TPRG1: variants seen among roughly 807,000 people sequenced by gnomAD.
TPRG1 encodes the protein tumor protein p63-regulated gene 1 protein.
Under a neutral mutation model 29.3 loss-of-function variants are expected in TPRG1, and 29 were observed. The observed-to-expected ratio is 0.99, with a 90% CI of 0.74 to 1.35. TPRG1 has a LOEUF of 1.35. TPRG1 is among the 40% of genes most tolerant of loss of function. TPRG1 has a pLI of 0.00. For missense variants in TPRG1, 327 were observed against 335.0 expected (o/e 0.98, Z 0.19); for synonymous variants, 130 against 116.8 (o/e 1.11, Z -0.73).
chr3:189,081,365 G>A (rs550237986), intron 4 of TPRG1, among the ~76,000 whole-genome samples: 4 of 152,272 alleles, frequency 2.6e-5, no homozygotes, highest in South Asian at 2.1e-4. Flanking sequence ...GAAAGGGACC[G>A]AGGAGCAGTC....
intron 2 of TPRG1, among the ~76,000 whole-genome samples, chr3:189,131,662 G>A (rs1337402484): frequency 1.3e-5 from 2 of 152,172 alleles, no homozygotes; most frequent in Non-Finnish European, 2.9e-5. Flanking sequence ...AGGCAGATCT[G>A]GGACCTCTGA....
chr3:189,176,416 C>T (rs1729496939), intron 1 of TPRG1, among the ~76,000 whole-genome samples: 1 of 152,028 alleles, frequency 6.6e-6, no homozygotes, highest in African/African-American at 2.4e-5. Context: ...TGTGTCTTTT[C>T]TACAACCCCA....
chr3:189,297,951 T>C (rs73889184), intron 4 of TPRG1, among the ~76,000 whole-genome samples: 8,958 of 152,180 alleles, frequency 0.059, 610 homozygotes, highest in African/African-American at 0.16. Context: ...ATCCCAGGTC[T>C]CCGTCTGAAC....
At chr3:189,078,521 T>A (rs529518519) in intron 4 of TPRG1, among the ~76,000 whole-genome samples, 2 of 152,338 alleles carry the variant, frequency 1.3e-5, no homozygotes, top group East Asian at 3.9e-4. Context: ...TTCTACTGAA[T>A]GAGCGAAGGA....
intron 1 of TPRG1, among the ~76,000 whole-genome samples, chr3:189,109,347 G>A (rs551924940): frequency 1.6e-4 from 24 of 152,328 alleles, no homozygotes; most frequent in African/African-American, 5.3e-4. Flanking sequence ...TAAGAGTGAC[G>A]TGGAAACAAT....
intron 1 of TPRG1, among the ~76,000 whole-genome samples, chr3:189,206,808 C>CGTGTGTGTGTGTGT (rs142505576): frequency 0.085 from 12,599 of 147,624 alleles, 616 homozygotes; most frequent in East Asian, 0.23. Flanking sequence ...GCTGAACAAC[C>CGTGTGTGTGTGTGT]GTGTGTGTGT....
At chr3:189,231,605 C>T (rs1738666078) in intron 3 of TPRG1, among the ~76,000 whole-genome samples, 1 of 152,104 alleles carries the variant, frequency 6.6e-6, no homozygotes, top group Non-Finnish European at 1.5e-5. Context: ...ATGAGGAATA[C>T]ACTATTATTA....
At chr3:189,078,556 A>C (rs563530692) in intron 4 of TPRG1, among the ~76,000 whole-genome samples, 1 of 152,174 alleles carries the variant, frequency 6.6e-6, no homozygotes, top group African/African-American at 2.4e-5. Flanking sequence ...TTGCCAATGA[A>C]ATTTCTTACC....
chr3:189,048,876 G>A (rs1715134773), intron 4 of TPRG1, among the ~76,000 whole-genome samples: 6 of 152,148 alleles, frequency 3.9e-5, no homozygotes, highest in Admixed American at 3.9e-4. Context: ...ACCCCCACTG[G>A]AGAAGCTGAA....
intron 2 of TPRG1, 57 bp from the exon 3 acceptor site, chr3:189,215,235 T>C: frequency 7.0e-7 from 1 of 1,437,100 alleles, no homozygotes; most frequent in Non-Finnish European, 9.5e-7. Context: ...TAACTAATCA[T>C]AAGCGCGAAG....
intron 3 of TPRG1, among the ~76,000 whole-genome samples, chr3:189,219,365 T>G (rs1736582220): frequency 6.6e-6 from 1 of 152,128 alleles, no homozygotes; most frequent in Non-Finnish European, 1.5e-5. Context: ...GATCCCAGTT[T>G]AGCTGACACC....
chr3:189,254,729 T>C (rs890495356), intron 4 of TPRG1, among the ~76,000 whole-genome samples: 7 of 152,200 alleles, frequency 4.6e-5, no homozygotes, highest in African/African-American at 7.2e-5. Flanking sequence ...CTTGAAGAAG[T>C]CCTTCATATC....
chr3:189,043,603 C>T (rs953648223), intron 4 of TPRG1, among the ~76,000 whole-genome samples: 2 of 152,148 alleles, frequency 1.3e-5, no homozygotes, highest in Non-Finnish European at 2.9e-5. Context: ...TGCTTAACTC[C>T]ATTACAATTT....
intron 3 of TPRG1, among the ~76,000 whole-genome samples, chr3:189,017,378 G>A (rs942482497): frequency 6.0e-4 from 91 of 151,866 alleles, no homozygotes; most frequent in Admixed American, 1.4e-3. Context: ...ATCCCTACCT[G>A]CTCCCCCCAC....
rs761994383 is a variant in TPRG1 at position 189,310,448 on chromosome 3, G to T, written c.542G>T (p.Arg181Leu). The change falls in exon 5 of 6, where the codon CGC (arginine) becomes CTC (leucine). Residue 181 changes from arginine to leucine, a missense_variant. Transcript: ENST00000345063. ...GSPEEQSLLS[R>L]WNPWSTEVPY... ...CCGGAGGAGCAGTCTCTTCTGTCCCGCTGGAACCCATGGTCCACTGAAGTT... is the reference window on the plus strand; with the variant it reads ...CCGGAGGAGCAGTCTCTTCTGTCCCTCTGGAACCCATGGTCCACTGAAGTT... 1 of 1,611,658 alleles carries T rather than the reference G, an allele frequency of 6.2e-7. No individual in the cohort carries two copies. Among genetic ancestry groups the T allele is most frequent in the Non-Finnish European group, 8.5e-7 (1 of 1,178,812 alleles).
At chr3:189,153,723 A>G (rs1374320545) in intron 5 of TPRG1, among the ~76,000 whole-genome samples, 1 of 152,162 alleles carries the variant, frequency 6.6e-6, no homozygotes, top group Non-Finnish European at 1.5e-5. Context: ...GGCTTCCTTG[A>G]GTCTACCTCA....
intron 5 of TPRG1, among the ~76,000 whole-genome samples, chr3:189,163,638 G>C (rs1158386999): frequency 6.6e-6 from 1 of 152,156 alleles, no homozygotes; most frequent in Non-Finnish European, 1.5e-5. Flanking sequence ...GGAAATACGG[G>C]ACTGAAGTTA....
chr3:189,234,530 C>T (rs1739149919), intron 3 of TPRG1, among the ~76,000 whole-genome samples: 1 of 152,132 alleles, frequency 6.6e-6, no homozygotes, highest in Non-Finnish European at 1.5e-5. Context: ...AACATTTCCG[C>T]AATGTTACTG....
Position 189,235,217 on chromosome 3 carries a change from CT to C in TPRG1, c.303-3499del, listed in dbSNP as rs34934049. On this transcript the variant is annotated intron_variant, in intron 3 of 5. Transcript: ENST00000345063. ...GGTAGGGCGGTAAAGATGAGGTTTG[CT>C]TTTTTTTTTTTTTTTTCCAAAGGAT... Among the ~76,000 whole-genome samples, 438 of 129,640 alleles carry C rather than the reference CT, an allele frequency of 3.4e-3. 4 individuals carry two copies. Among genetic ancestry groups the C allele is most frequent in the Non-Finnish European group, 3.5e-3 (220 of 62,766 alleles). The allele number at this position is 129,640 out of a possible 152,430, so 85.0% of individuals were successfully genotyped here.
Sources: allele counts gnomAD v4.1 joint callset (sites outside exome capture counted in the v4.1 genomes callset), GRCh38; gene constraint gnomAD v4.1.1; transcripts MANE v1.5; gene names NCBI Gene and HGNC (gene_info 2026-07-23, HGNC 2026-07-21).